CD96: variants seen among roughly 807,000 people sequenced by gnomAD.
CD96 encodes the protein T-cell surface protein tactile.
In CD96, 70 loss-of-function variants were observed where a neutral mutation model predicts 71.3. The observed-to-expected ratio is 0.98, with a 90% CI of 0.81 to 1.20. The LOEUF is 1.20. Among genes scored for constraint, CD96 ranks in the 50% most tolerant of loss-of-function variants. The probability of loss-of-function intolerance (pLI) is 0.00; values close to 1 mark genes in which losing one functional copy is unlikely to be tolerated. For synonymous variants in CD96, 248 were observed against 233.0 expected (o/e 1.06, Z -0.59); for missense variants, 742 against 677.5 (o/e 1.10, Z -1.06).
Position 111,638,013 on chromosome 3 carries a change from A to G in CD96, c.1388-66A>G, listed in dbSNP as rs139814587. 665 of 874,842 alleles carry G rather than the reference A, an allele frequency of 7.6e-4. 1 individual carries two copies. Among genetic ancestry groups the G allele is most frequent in the Admixed American group, 2.7e-3 (157 of 59,120 alleles). 54.2% of individuals were successfully genotyped at this position (874,842 alleles called of 1,614,324 possible). A position where few individuals can be genotyped will look rare whatever the true frequency, so the allele number is the denominator to read the frequency against. On this transcript the variant is annotated intron_variant, in intron 11 of 13. Coordinates refer to ENST00000352690, the MANE Select transcript of CD96 (RefSeq NM_005816.5). ...TCTTTCAAATAACATATGAAACCCA[A>G]TCATGGTTTTATACCACTTGATCAA... is the stretch of plus-strand genomic sequence containing the variant.
intron 2 of CD96, among the ~76,000 whole-genome samples, chr3:111,549,428 G>A (rs1934582631): frequency 6.6e-6 from 1 of 152,120 alleles, no homozygotes; most frequent in South Asian, 2.1e-4. Context: ...AGAGCTGTGG[G>A]AACTAATTAA....
chr3:111,647,625 T>C lies in CD96; in HGVS notation c.1560T>C (p.Phe520=), dbSNP rs766786598. ...TACTCTTTTGCTGCATGATATTGTT[T>C]GGTCTTGGAGTGAGAAAATGGTGTC... The part of the protein sequence containing the change: ...AALLFCCMIL[F]GLGVRKWCQY... Residue 520 remains phenylalanine (F), a synonymous_variant, in exon 13 of 14, where the codon TTT becomes TTC. Coordinates refer to ENST00000352690, the MANE Select transcript of CD96 (RefSeq NM_005816.5). 6.2e-7 allele frequency: 1 copy of C among 1,611,994 alleles called. No individual in the cohort carries two copies. Among genetic ancestry groups the C allele is most frequent in the East Asian group, 2.2e-5 (1 of 44,840 alleles).
At chr3:111,595,231 C>A (rs1054196918) in intron 5 of CD96, 1 of 152,332 alleles carries the variant, frequency 6.6e-6, no homozygotes, top group Non-Finnish European at 1.5e-5. Flanking sequence ...CTAATGAGAG[C>A]TTTATTTAAT....
At chr3:111,546,047 G>T (rs970437070) in intron 2 of CD96, among the ~76,000 whole-genome samples, 1 of 151,956 alleles carries the variant, frequency 6.6e-6, no homozygotes, top group African/African-American at 2.4e-5. Context: ...AGGTGAAGAT[G>T]GACAAGAAGG....
In CD96 at chr3:111,649,886, C is replaced by CAA. The variant is rs1940002242; in HGVS notation, c.*80_*81insAA. 1.1e-6 allele frequency: 1 copy of CAA among 934,354 alleles called. No homozygotes were observed. Among genetic ancestry groups the CAA allele is most frequent in the Non-Finnish European group, 1.8e-6 (1 of 567,118 alleles). 57.9% of individuals were successfully genotyped at this position (934,354 alleles called of 1,614,324 possible). ...AGACATTGTGCTTTATTAATATAGTCGCTCTTCAGCCATGCCTTTGCTGCA... is the reference window on the plus strand; with the variant it reads ...AGACATTGTGCTTTATTAATATAGTCAAGCTCTTCAGCCATGCCTTTGCTGCA... On this transcript the variant is annotated 3_prime_UTR_variant, in exon 14 of 14. Coordinates refer to ENST00000352690, the MANE Select transcript of CD96 (RefSeq NM_005816.5).
At position 111,579,138 on chromosome 3, in the gene CD96, C is replaced by G; in HGVS notation, c.655C>G (p.Pro219Ala). The change falls in exon 4 of 14, where the codon CCA becomes GCA. Residue 219 changes from proline (P) to alanine (A), a missense_variant. Pro to Ala is a conservative substitution (Grantham distance 27). Coordinates refer to ENST00000352690, the MANE Select transcript of CD96 (RefSeq NM_005816.5). ...TACAGACTACAGACTCCACCTCTCT[C>G]CAGTCCAAATCTTCGATGATGGGCG... ...LGTDYRLHLS[P>A]VQIFDDGRKF... The G allele has an allele frequency of 1.2e-6, 2 of 1,601,614 alleles. No individual in the cohort carries two copies. Among genetic ancestry groups the G allele is most frequent in the Non-Finnish European group, 1.7e-6 (2 of 1,168,520 alleles).
downstream of CD96, among the ~76,000 whole-genome samples, chr3:111,653,912 A>C (rs1940167121): frequency 6.6e-6 from 1 of 152,136 alleles, no homozygotes; most frequent in Admixed American, 6.6e-5. Flanking sequence ...GCTCTAAAAA[A>C]TGTCAAAGAA....
intron 7 of CD96, among the ~76,000 whole-genome samples, chr3:111,606,091 G>T (rs1937615229): frequency 6.6e-6 from 1 of 151,954 alleles, no homozygotes; most frequent in Non-Finnish European, 1.5e-5. Flanking sequence ...CCACATTCTA[G>T]CCTCTGTTTC....
chr3:111,577,491 T>C (rs200146596), intron 3 of CD96: 2 of 1,593,722 alleles, frequency 1.3e-6, no homozygotes, highest in Non-Finnish European at 1.7e-6. Flanking sequence ...TCTTTTGCTC[T>C]TCTTCCTTAG....
chr3:111,542,874 C>G (rs1934177335), intron 1 of CD96, among the ~76,000 whole-genome samples: 1 of 152,102 alleles, frequency 6.6e-6, no homozygotes, highest in Non-Finnish European at 1.5e-5. Context: ...CCTAATGGGC[C>G]TATTTAAAAA....
At chr3:111,643,800 A>G (rs1939704684) in intron 12 of CD96, among the ~76,000 whole-genome samples, 1 of 152,162 alleles carries the variant, frequency 6.6e-6, no homozygotes, top group Admixed American at 6.5e-5. Flanking sequence ...TTCCTCTAAA[A>G]GAAAAACTAC....
chr3:111,583,934 T>C (rs756810766), intron 4 of CD96, among the ~76,000 whole-genome samples: 1 of 152,248 alleles, frequency 6.6e-6, no homozygotes, highest in African/African-American at 2.4e-5. Flanking sequence ...TTCCTACTTA[T>C]GCAAATTTCG....
At chr3:111,646,462 C>A (rs1471574584) in intron 12 of CD96, among the ~76,000 whole-genome samples, 1 of 151,400 alleles carries the variant, frequency 6.6e-6, no homozygotes, top group Non-Finnish European at 1.5e-5. Context: ...CTCAAAATCA[C>A]TAATCACTAG....
intron 14 of CD96, among the ~76,000 whole-genome samples, chr3:111,664,926 G>T (rs550753912): frequency 6.6e-6 from 1 of 152,166 alleles, no homozygotes; most frequent in Non-Finnish European, 1.5e-5. Context: ...ATGTTGTTAT[G>T]TAAGAGATAT....
At chr3:111,646,721 T>C (rs1010920461) in intron 12 of CD96, among the ~76,000 whole-genome samples, 14 of 152,132 alleles carry the variant, frequency 9.2e-5, no homozygotes, top group Admixed American at 8.5e-4. Context: ...ATTGGATATA[T>C]ACCCAAAGGA....
At chr3:111,654,026 C>T (rs1343062331), downstream of CD96, among the ~76,000 whole-genome samples, 1 of 152,134 alleles carries the variant, frequency 6.6e-6, no homozygotes, top group Non-Finnish European at 1.5e-5. Flanking sequence ...GTCTCAGAGG[C>T]TCTGAACAGG....
intron 12 of CD96, among the ~76,000 whole-genome samples, chr3:111,638,378 A>T (rs959455643): frequency 5.9e-5 from 9 of 152,242 alleles, no homozygotes; most frequent in African/African-American, 2.2e-4. Flanking sequence ...TACTATGATA[A>T]GGTGTTGTCA....
chr3:111,594,181 C>T, intron 5 of CD96: 2 of 1,598,354 alleles, frequency 1.3e-6, no homozygotes, highest in Non-Finnish European at 1.7e-6. Context: ...CCTCCTCTTC[C>T]TCGTCTTCCC....
chr3:111,606,297 T>G (rs1937622518), intron 7 of CD96, among the ~76,000 whole-genome samples: 1 of 152,258 alleles, frequency 6.6e-6, no homozygotes, highest in African/African-American at 2.4e-5. Flanking sequence ...TTTATGGATT[T>G]TGTAAACTGC....
Sources: allele counts gnomAD v4.1 joint callset (sites outside exome capture counted in the v4.1 genomes callset), GRCh38; gene constraint gnomAD v4.1.1; transcripts MANE v1.5; gene names NCBI Gene and HGNC (gene_info 2026-07-23, HGNC 2026-07-21).